C11orf65: variants seen among roughly 807,000 people sequenced by gnomAD.
The protein encoded by C11orf65 is protein MFI.
In C11orf65, 38 loss-of-function variants were observed where a neutral mutation model predicts 35.3. The ratio of observed to expected loss-of-function variants is 1.08; its 90% CI spans 0.83 to 1.41. C11orf65 has a LOEUF of 1.41. Among genes scored for constraint, C11orf65 ranks in the 40% most tolerant of loss-of-function variants. The pLI is 0.00. For missense variants in C11orf65, 370 were observed against 367.1 expected (o/e 1.01, Z -0.06); for synonymous variants, 105 against 114.4 (o/e 0.92, Z 0.53).
intron 2 of C11orf65, chr11:108,335,768 T>G: frequency 8.5e-7 from 1 of 1,177,964 alleles, no homozygotes; most frequent in Middle Eastern, 1.9e-4. Context: ...TGAGTGCCCT[T>G]TGCTATTCTC....
At chr11:108,327,824 G>T (rs192569835), downstream of C11orf65, 1,891 of 1,190,964 alleles carry the variant, frequency 1.6e-3, 4 homozygotes, top group Non-Finnish European at 2.2e-3. Flanking sequence ...TTTTCATCAA[G>T]ATCAATATAT....
At chr11:108,422,765 C>T (rs1299524348) in intron 3 of C11orf65, among the ~76,000 whole-genome samples, 1 of 151,808 alleles carries the variant, frequency 6.6e-6, no homozygotes, top group African/African-American at 2.4e-5. Context: ...ACCTGTAGTC[C>T]CAGCTACTCG....
chr11:108,330,071 T>C (rs933562283), downstream of C11orf65: 1 of 826,882 alleles, frequency 1.2e-6, no homozygotes, highest in African/African-American at 1.7e-5. Context: ...GTAAGTTTAT[T>C]CCCTTTATAA....
chr11:108,367,558 G>C (rs1437652658), intron 2 of C11orf65: 1 of 206,440 alleles, frequency 4.8e-6, no homozygotes, highest in African/African-American at 2.3e-5. Flanking sequence ...CCATCCTTAG[G>C]AAAATGTTCA....
chr11:108,317,764 C>A (rs1034790254), intron 6 of C11orf65, among the ~76,000 whole-genome samples: 8 of 149,562 alleles, frequency 5.3e-5, no homozygotes, highest in Non-Finnish European at 1.0e-4. Context: ...TATAGATAGC[C>A]CTAAATCCTT....
intron 2 of C11orf65, among the ~76,000 whole-genome samples, chr11:108,455,943 CAGGAGTT>C (rs1200228703): frequency 6.6e-6 from 1 of 151,664 alleles, no homozygotes; most frequent in Non-Finnish European, 1.5e-5. Context: ...CACTTGAGCT[CAGGAGTT>C]AAGAGACCAG....
intron 3 of C11orf65, 29 bp downstream of exon 3, chr11:108,431,717 G>A (rs373200178): frequency 2.9e-5 from 33 of 1,133,052 alleles, no homozygotes; most frequent in Non-Finnish European, 3.8e-5. Flanking sequence ...AAAAATATAG[G>A]ATGCTATATC....
At chr11:108,329,477 G>A (rs943263069), downstream of C11orf65, among the ~76,000 whole-genome samples, 1 of 151,660 alleles carries the variant, frequency 6.6e-6, no homozygotes, top group African/African-American at 2.4e-5. Flanking sequence ...CGTGATCACT[G>A]TACTCCAGCT....
intron 6 of C11orf65, among the ~76,000 whole-genome samples, chr11:108,395,304 A>T (rs2092280048): frequency 6.6e-6 from 1 of 151,980 alleles, no homozygotes; most frequent in Non-Finnish European, 1.5e-5. Context: ...CAGCCTGGGT[A>T]AAATAGGGAC....
intron 2 of C11orf65, among the ~76,000 whole-genome samples, chr11:108,456,036 TC>T (rs2093408565): frequency 6.6e-6 from 1 of 151,748 alleles, no homozygotes; most frequent in South Asian, 2.1e-4. Context: ...ATGCCTGTAG[TC>T]CCAGCTATTT....
chr11:108,355,622 T>C (rs114639032), intron 2 of C11orf65: 2 of 152,288 alleles, frequency 1.3e-5, no homozygotes, highest in Non-Finnish European at 2.9e-5. Flanking sequence ...ACTCAGCTTT[T>C]CTTCCTTTAA....
In C11orf65 at chr11:108,335,005, A is replaced by G. The variant is rs587781344; in HGVS notation, c.299+215T>C. 8.1e-6 allele frequency: 13 copies of G among 1,613,486 alleles called. No individual in the cohort carries two copies. The highest frequency in any genetic ancestry group is 1.7e-4 in the Middle Eastern group (1 of 6,060). ...AGGAGAATATGGAAATCTGGTGACT[A>G]TACAGTCATTTAAAGCAGAATTTCG... On this transcript the variant is annotated intron_variant, in intron 3 of 3. Transcript: ENST00000524755.
intron 2 of C11orf65, among the ~76,000 whole-genome samples, chr11:108,447,320 C>G (rs1398631021): frequency 1.3e-5 from 2 of 152,118 alleles, no homozygotes; most frequent in Admixed American, 6.5e-5. Flanking sequence ...CCCAAATCAA[C>G]AGAATATACA....
rs371182983 is a variant in C11orf65, at chr11:108,369,891, TAGTC to T, written c.226+23313_226+23316del. Among the ~76,000 whole-genome samples the T allele has an allele frequency of 3.0e-3, 452 of 152,324 alleles. 3 individuals are homozygous for T. The highest frequency in any genetic ancestry group is 0.01 in the African/African-American group (434 of 41,584). On this transcript the variant is annotated intron_variant, in intron 2 of 3. Coordinates refer to the C11orf65 transcript ENST00000524755. ...ATTAAATGTTTTAGTATACACTTGT[TAGTC>T]AGTATGATTTTCTCTGATGAACTGC... is the stretch of plus-strand genomic sequence containing the variant.
At chr11:108,350,906 A>G (rs553066765) in intron 2 of C11orf65, among the ~76,000 whole-genome samples, 9 of 152,222 alleles carry the variant, frequency 5.9e-5, no homozygotes, top group Non-Finnish European at 1.2e-4. Context: ...GACTTTATGT[A>G]TATCCTGTGA....
chr11:108,463,220 TATAAC>T (rs754123000), intron 1 of C11orf65, among the ~76,000 whole-genome samples: 53 of 147,958 alleles, frequency 3.6e-4, no homozygotes, highest in Non-Finnish European at 6.8e-4. Context: ...TATTTAAACA[TATAAC>T]ATACATCTAC....
chr11:108,363,623 C>A (rs946548715), intron 2 of C11orf65, among the ~76,000 whole-genome samples: 1 of 152,128 alleles, frequency 6.6e-6, no homozygotes, highest in African/African-American at 2.4e-5. Context: ...TACAAGTTAG[C>A]CCCCACAGCA....
At chr11:108,316,698 A>C (rs1335872157) in intron 6 of C11orf65, among the ~76,000 whole-genome samples, 2 of 147,438 alleles carry the variant, frequency 1.4e-5, no homozygotes, top group African/African-American at 2.5e-5. Context: ...TCACGAGGTC[A>C]GGAGGTCCAG....
intron 3 of C11orf65, among the ~76,000 whole-genome samples, chr11:108,418,081 G>T (rs10431061): frequency 0.43 from 65,741 of 151,794 alleles, 14,506 homozygotes; most frequent in Middle Eastern, 0.67. Flanking sequence ...ACAATAATCT[G>T]AAGTATTCAC....
Sources: allele counts gnomAD v4.1 joint callset (sites outside exome capture counted in the v4.1 genomes callset), GRCh38; gene constraint gnomAD v4.1.1; transcripts MANE v1.5; gene names NCBI Gene and HGNC (gene_info 2026-07-23, HGNC 2026-07-21).